Variants in PURG observed in about 807,000 individuals in gnomAD.
The protein encoded by PURG is purine rich element binding protein G.
A neutral mutation model predicts 24.3 loss-of-function variants in PURG; 3 were observed. The observed-to-expected ratio is 0.12, with a 90% CI of 0.06 to 0.32. The LOEUF (loss-of-function observed/expected upper bound fraction) is 0.32. PURG is among the 10% of genes least tolerant of loss of function. The pLI is 1.00. For missense variants in PURG, 371 were observed against 439.1 expected (o/e 0.84, Z 1.39); for synonymous variants, 180 against 173.1 (o/e 1.04, Z -0.31).
intron 1 of PURG, among the ~76,000 whole-genome samples, chr8:31,024,612 C>T (rs1373041761): frequency 6.6e-6 from 1 of 152,108 alleles, no homozygotes; most frequent in African/African-American, 2.4e-5. Context: ...TTTGCCACCT[C>T]TAGGCAACAA....
At chr8:31,023,839 G>T (rs1379518399) in intron 1 of PURG, among the ~76,000 whole-genome samples, 8 of 152,128 alleles carry the variant, frequency 5.3e-5, no homozygotes, top group Non-Finnish European at 1.2e-4. Context: ...GAAGACAGTA[G>T]GGACCACTAC....
intron 1 of PURG, among the ~76,000 whole-genome samples, chr8:31,025,321 T>C (rs1442559645): frequency 1.2e-4 from 18 of 151,996 alleles, no homozygotes; most frequent in Non-Finnish European, 2.7e-4. Context: ...TAATGAATTA[T>C]TCAGCATGAA....
chr8:31,021,331 G>A (rs1250208185), intron 1 of PURG, among the ~76,000 whole-genome samples: 1 of 152,178 alleles, frequency 6.6e-6, no homozygotes, highest in Non-Finnish European at 1.5e-5. Context: ...TGCCCTTAGG[G>A]ATGAAACTGT....
At chr8:31,003,852 T>C (rs898564220) in intron 1 of PURG, among the ~76,000 whole-genome samples, 1 of 152,196 alleles carries the variant, frequency 6.6e-6, no homozygotes, top group African/African-American at 2.4e-5. Flanking sequence ...TGACAATGTT[T>C]TGGGATCTCT....
chr8:31,032,428 G>A lies in PURG; in HGVS notation c.355C>T (p.Leu119=), dbSNP rs760688086. 2 of 1,614,090 alleles carry A rather than the reference G, an allele frequency of 1.2e-6. No homozygotes were observed. Among genetic ancestry groups the A allele is most frequent in the African/African-American group, 2.7e-5 (2 of 75,060 alleles). ...LSVAAELKDC[L]GDFIEHYAHL... is the part of the protein sequence containing the mutation. ...GCATAGTGCTCGATGAAGTCCCCTAGACAGTCCTTCAGCTCCGCTGCCACA... is the reference window on the plus strand; with the variant it reads ...GCATAGTGCTCGATGAAGTCCCCTAAACAGTCCTTCAGCTCCGCTGCCACA... The change falls in exon 2 of 2, where the codon CTA becomes TTA. Residue 119 remains leucine, a synonymous_variant. Transcript: ENST00000523392. This position sits in a 1 kb window ranked among gnomAD's most constrained non-coding sequence, Gnocchi z 5.9.
intron 1 of PURG, among the ~76,000 whole-genome samples, chr8:31,013,473 C>CCTGTAT (rs1810800632): frequency 6.6e-6 from 1 of 152,198 alleles, no homozygotes; most frequent in Non-Finnish European, 1.5e-5. Context: ...CGCGGCGGCT[C>CCTGTAT]ATGCCTGTAA....
chr8:31,011,595 T>G (rs1810764505), intron 1 of PURG, among the ~76,000 whole-genome samples: 1 of 152,158 alleles, frequency 6.6e-6, no homozygotes, highest in Non-Finnish European at 1.5e-5. Context: ...TAGCTTTAAA[T>G]ACACTTCCAT....
intron 1 of PURG, among the ~76,000 whole-genome samples, chr8:31,020,958 TG>T (rs1371182667): frequency 1.3e-5 from 2 of 152,178 alleles, no homozygotes; most frequent in African/African-American, 2.4e-5. Flanking sequence ...CAGCAATCTG[TG>T]GTTTAACAAA....
chr8:31,008,820 G>A (rs1810706554), intron 1 of PURG, among the ~76,000 whole-genome samples: 1 of 152,148 alleles, frequency 6.6e-6, no homozygotes, highest in African/African-American at 2.4e-5. Flanking sequence ...ATTTGGACTT[G>A]AACCCAGGAC....
exon 2 of PURG, chr8:30,996,673 C>T (rs1810435410): frequency 1.2e-6 from 2 of 1,611,882 alleles, no homozygotes; most frequent in Non-Finnish European, 1.7e-6. Flanking sequence ...TTGATATTCT[C>T]TCTGGATTTG....
chr8:31,028,092 G>A (rs1811123935), downstream of PURG, among the ~76,000 whole-genome samples: 1 of 151,556 alleles, frequency 6.6e-6, no homozygotes, highest in African/African-American at 2.4e-5. Flanking sequence ...ATTTTGTCTA[G>A]ACAAATTCCC....
In PURG at chr8:31,022,006, C is replaced by T. The variant is rs529065502; in HGVS notation, c.864+9913G>A. Among the ~76,000 whole-genome samples the T allele has an allele frequency of 4.3e-4, 64 of 150,394 alleles. 1 individual carries two copies. In the South Asian group the frequency reaches 4.4e-3, roughly 10 times the overall value. ...TTTTTTTTGAGATGGCGTCTCACTC[C>T]GTTGCCCAGGCAGGAGTGCAGTGGT... On this transcript the variant is annotated intron_variant, in intron 1 of 1. Coordinates refer to the PURG transcript ENST00000339382.
Position 31,031,859 on chromosome 8 carries a change from T to C in PURG, c.924A>G (p.Thr308=). Residue 308 remains threonine (T), a synonymous_variant, in exon 2 of 2, where the codon ACA becomes ACG. Transcript: ENST00000523392. ...NTITVPFKAW[T]RFGENFIKYE... is the part of the protein sequence containing the mutation. The stretch of plus-strand genomic sequence containing the variant: ...ACTTGATAAAATTCTCCCCAAACCT[T>C]GTCCAAGCTTTGAATGGAACAGTAA... 6.2e-7 allele frequency: 1 copy of C among 1,610,096 alleles called. No individual in the cohort carries two copies. Among genetic ancestry groups the C allele is most frequent in the Non-Finnish European group, 8.5e-7 (1 of 1,177,768 alleles).
intron 1 of PURG, among the ~76,000 whole-genome samples, chr8:31,005,746 A>G (rs1415768299): frequency 4.0e-5 from 6 of 150,462 alleles, no homozygotes. Context: ...AAAGCATCAG[A>G]AATTGCTTAG....
At chr8:31,008,150 T>G (rs1485434070) in intron 1 of PURG, among the ~76,000 whole-genome samples, 4 of 152,200 alleles carry the variant, frequency 2.6e-5, no homozygotes, top group Non-Finnish European at 5.9e-5. Flanking sequence ...AAAAGGAGGC[T>G]CCCTTTGAAC....
chr8:31,018,992 C>T (rs1418524750), intron 1 of PURG, among the ~76,000 whole-genome samples: 1 of 148,650 alleles, frequency 6.7e-6, no homozygotes, highest in African/African-American at 2.5e-5. Context: ...GGCGTTGTGG[C>T]GGGCGCCTGT....
At chr8:31,019,327 ATTTTT>A (rs771463137) in intron 1 of PURG, among the ~76,000 whole-genome samples, 1 of 78,928 alleles carries the variant, frequency 1.3e-5, no homozygotes, top group African/African-American at 5.0e-5. Context: ...AACACCTCTA[ATTTTT>A]TTTTTTTTTT....
chr8:30,999,748 A>T (rs970387569), intron 1 of PURG, among the ~76,000 whole-genome samples: 2 of 152,024 alleles, frequency 1.3e-5, no homozygotes, highest in African/African-American at 4.8e-5. Context: ...ACAGATTCAT[A>T]CACTTAGCAC....
At chr8:31,007,081 G>A (rs948750145) in intron 1 of PURG, among the ~76,000 whole-genome samples, 3 of 152,146 alleles carry the variant, frequency 2.0e-5, no homozygotes, top group Non-Finnish European at 4.4e-5. Flanking sequence ...AACTCAATTA[G>A]TGACACTGAA....
Sources: gnomAD v4.1 joint callset for allele counts (sites outside exome capture counted in the v4.1 genomes callset) on GRCh38, gnomAD v4.1.1 for gene constraint, Gnocchi (gnomAD v3.1) non-coding constraint, MANE v1.5 for transcripts, NCBI Gene and HGNC (gene_info 2026-07-23, HGNC 2026-07-21) for gene names.